Variants in TRPM3 observed in about 807,000 individuals in gnomAD.
The protein encoded by TRPM3 is long transient receptor potential channel 3.
Under a neutral mutation model 181.2 loss-of-function variants are expected in TRPM3, and 77 were observed. The ratio of observed to expected loss-of-function variants is 0.42; its 90% CI spans 0.35 to 0.51. TRPM3 has a LOEUF of 0.51. Among genes scored for constraint, TRPM3 ranks in the 20% least tolerant of loss-of-function variants. The pLI, the probability that TRPM3 is intolerant of heterozygous loss-of-function variation, is 0.01. For missense variants in TRPM3, 1,759 were observed against 2,196.7 expected, an observed-to-expected ratio of 0.80 and a Z score of 3.98; for synonymous variants, 745 against 796.4, an observed-to-expected ratio of 0.94 and a Z score of 1.09.
chr9:70,944,275 G>T (rs72729796), intron 1 of TRPM3, among the ~76,000 whole-genome samples: 2 of 152,042 alleles, frequency 1.3e-5, no homozygotes, highest in Non-Finnish European at 2.9e-5. Context: ...GAACAATCCC[G>T]CTTCCAATAA....
intron 1 of TRPM3, among the ~76,000 whole-genome samples, chr9:70,952,754 T>C (rs1340084998): frequency 6.6e-6 from 1 of 152,012 alleles, no homozygotes; most frequent in South Asian, 2.1e-4. Context: ...TGGGGGATTG[T>C]TGGGAGACGA....
chr9:71,345,479 C>G (rs2091237984), intron 1 of TRPM3, among the ~76,000 whole-genome samples: 1 of 152,008 alleles, frequency 6.6e-6, no homozygotes, highest in African/African-American at 2.4e-5. Flanking sequence ...TCTCCGCAAA[C>G]AAACACAGCA....
intron 1 of TRPM3, among the ~76,000 whole-genome samples, chr9:71,195,834 A>T (rs1759152643): frequency 6.6e-6 from 1 of 152,062 alleles, no homozygotes; most frequent in Admixed American, 6.6e-5. Context: ...AAGGGCCATT[A>T]TCCTTAGCAA....
intron 1 of TRPM3, among the ~76,000 whole-genome samples, chr9:71,168,208 T>C (rs1255889324): frequency 6.6e-6 from 1 of 152,078 alleles, no homozygotes; most frequent in African/African-American, 2.4e-5. Context: ...CAGACACTTC[T>C]GTTTCAAAGT....
At chr9:70,956,892 C>CA (rs952126808) in intron 1 of TRPM3, among the ~76,000 whole-genome samples, 22 of 139,386 alleles carry the variant, frequency 1.6e-4, no homozygotes, top group African/African-American at 3.9e-4. Context: ...TCTCCCCTGC[C>CA]AAAAAAAAAA....
At chr9:71,099,171 T>A (rs553062526) in intron 1 of TRPM3, among the ~76,000 whole-genome samples, 2 of 152,296 alleles carry the variant, frequency 1.3e-5, no homozygotes, top group Admixed American at 1.3e-4. Flanking sequence ...AGATTTGGAA[T>A]CTGGTGATGG....
intron 1 of TRPM3, among the ~76,000 whole-genome samples, chr9:71,358,484 G>C (rs2092001974): frequency 6.6e-6 from 1 of 152,152 alleles, no homozygotes; most frequent in African/African-American, 2.4e-5. Context: ...TGATTGGTTA[G>C]GGTATAACTT....
At chr9:71,169,309 C>T (rs1399396515) in intron 1 of TRPM3, among the ~76,000 whole-genome samples, 2 of 152,188 alleles carry the variant, frequency 1.3e-5, no homozygotes, top group Non-Finnish European at 2.9e-5. Flanking sequence ...GCAATACATG[C>T]TCTTTATATT....
At chr9:71,362,284 G>GA (rs2092181192) in intron 1 of TRPM3, among the ~76,000 whole-genome samples, 1 of 152,192 alleles carries the variant, frequency 6.6e-6, no homozygotes, top group South Asian at 2.1e-4. Context: ...TCCCCTGGGA[G>GA]GAGATGCACC....
intron 1 of TRPM3, among the ~76,000 whole-genome samples, chr9:71,367,760 G>A (rs911810024): frequency 2.6e-5 from 4 of 152,130 alleles, no homozygotes; most frequent in African/African-American, 9.7e-5. Flanking sequence ...TTTCCCCCAT[G>A]TTACTAAGTT....
chr9:70,856,986 A>T (rs922149471), intron 3 of TRPM3, among the ~76,000 whole-genome samples: 2 of 152,184 alleles, frequency 1.3e-5, no homozygotes, highest in Admixed American at 6.5e-5. Flanking sequence ...TGAGCCCCAG[A>T]TGTAGAAGAG....
intron 1 of TRPM3, among the ~76,000 whole-genome samples, chr9:70,873,162 A>G (rs900348028): frequency 1.3e-5 from 2 of 152,028 alleles, no homozygotes; most frequent in African/African-American, 4.8e-5. Flanking sequence ...AGTTTGAGAA[A>G]CACAGGACCA....
At chr9:70,773,511 T>A (rs1188161618) in intron 7 of TRPM3, among the ~76,000 whole-genome samples, 1 of 152,166 alleles carries the variant, frequency 6.6e-6, no homozygotes, top group Non-Finnish European at 1.5e-5. Flanking sequence ...TAAGTTTAAA[T>A]TCTCTTTCAA....
chr9:71,304,494 T>A (rs2087078816), intron 1 of TRPM3, among the ~76,000 whole-genome samples: 1 of 152,190 alleles, frequency 6.6e-6, no homozygotes, highest in Non-Finnish European at 1.5e-5. Context: ...GAATTAAGGT[T>A]TACAAATATC....
chr9:70,975,255 A>G (rs923135399), intron 1 of TRPM3, among the ~76,000 whole-genome samples: 1 of 152,142 alleles, frequency 6.6e-6, no homozygotes, highest in Non-Finnish European at 1.5e-5. Flanking sequence ...TGTTAGTCCT[A>G]TCTTCAAATT....
At chr9:71,271,702 G>A (rs566565860) in intron 1 of TRPM3, among the ~76,000 whole-genome samples, 9 of 151,992 alleles carry the variant, frequency 5.9e-5, no homozygotes, top group African/African-American at 2.2e-4. Flanking sequence ...TGACTGGACT[G>A]GCGAACGTAC....
intron 9 of TRPM3, among the ~76,000 whole-genome samples, chr9:70,645,758 A>G (rs2058746784): frequency 6.6e-6 from 1 of 152,004 alleles, no homozygotes; most frequent in African/African-American, 2.4e-5. Context: ...AAAAAAATAA[A>G]AAAAATAAAT....
rs550391311 is a variant in TRPM3 at position 71,149,409 on chromosome 9, C to T, written c.184-284898G>A. ...CAGAGTGAGACCCTGTCTCAAAAAA[C>T]ACAAAACGAAACAAAACAACAAAAA... On this transcript the variant is annotated intron_variant, in intron 1 of 24. Coordinates refer to the TRPM3 transcript ENST00000357533. Among the ~76,000 whole-genome samples, 3 of 151,856 alleles carry T rather than the reference C, an allele frequency of 2.0e-5. No individual in the cohort carries two copies. The East Asian group carries it at 5.9e-4, about 30-fold the overall frequency.
intron 3 of TRPM3, among the ~76,000 whole-genome samples, chr9:70,862,412 T>G (rs557848228): frequency 6.6e-6 from 1 of 152,276 alleles, no homozygotes; most frequent in East Asian, 1.9e-4. Flanking sequence ...AAGCACTTAA[T>G]TTCGATGGCA....
Sources: allele counts gnomAD v4.1 joint callset (sites outside exome capture counted in the v4.1 genomes callset), GRCh38; gene constraint gnomAD v4.1.1; transcripts MANE v1.5; gene names NCBI Gene and HGNC (gene_info 2026-07-23, HGNC 2026-07-21).